The following TUBE1 variants were observed in gnomAD, a reference collection of about 807,000 sequenced individuals.
TUBE1 encodes the protein tubulin epsilon chain.
A neutral mutation model predicts 53.5 loss-of-function variants in TUBE1; 34 were observed. That is an observed-to-expected ratio of 0.64 (90% CI 0.48 to 0.85). TUBE1 has a LOEUF of 0.85. Ranked by LOEUF, TUBE1 falls within the 40% of genes least tolerant of loss-of-function variation. TUBE1 has a pLI of 0.00. For missense variants in TUBE1, 532 were observed against 570.5 expected (o/e 0.93, Z 0.69); for synonymous variants, 177 against 198.4 (o/e 0.89, Z 0.91).
chr6:112,075,156 C>G (rs1776943371), intron 8 of TUBE1: 1 of 158,238 alleles, frequency 6.3e-6, no homozygotes, highest in African/African-American at 2.4e-5. Flanking sequence ...CAACCGCCGC[C>G]TCCCATCTCA....
Position 112,071,404 on chromosome 6 carries a change from T to C in TUBE1, c.*8A>G. ...GAAATTAAGAAAGTATTTTTGAGGG[T>C]TTCTTTTTCACATAGCTATGCTTAG... On this transcript the variant is annotated 3_prime_UTR_variant, in exon 12 of 12. Transcript: ENST00000368662. 1.4e-6 allele frequency: 2 copies of C among 1,479,964 alleles called. No individual in the cohort carries two copies. Among genetic ancestry groups the C allele is most frequent in the Admixed American group, 1.9e-5 (1 of 51,834 alleles). 91.7% of individuals were successfully genotyped at this position (1,479,964 alleles called of 1,614,324 possible).
rs1776846099 is a variant in TUBE1, at chr6:112,070,963, G to T, written c.*449C>A. The T allele has an allele frequency of 6.6e-6, 1 of 152,028 alleles. No homozygotes were observed. Among genetic ancestry groups the T allele is most frequent in the Admixed American group, 6.5e-5 (1 of 15,272 alleles). 9.4% of individuals were successfully genotyped at this position (152,028 alleles called of 1,614,324 possible). On this transcript the variant is annotated 3_prime_UTR_variant, in exon 12 of 12. Transcript: ENST00000368662. ...AAAACCTATGCCTGAAAAGTTGGTG[G>T]CTATTACACGGAAATATTTATATTG...
In TUBE1 at chr6:112,076,486, A is replaced by G; in HGVS notation, c.472T>C (p.Phe158Leu). The G allele has an allele frequency of 6.2e-7, 1 of 1,609,540 alleles. No individual in the cohort carries two copies. Among genetic ancestry groups the G allele is most frequent in the South Asian group, 1.1e-5 (1 of 89,922 alleles). ...GGGTGSGLGT[F>L]LLKVLEDEFP... Reference sequence around the variant, plus strand: ...TCGTCTTCAAGCACCTTTAAAAGAAATGTGCCAAGTCCAGATCCTGTTCCT... The same window carrying G: ...TCGTCTTCAAGCACCTTTAAAAGAAGTGTGCCAAGTCCAGATCCTGTTCCT... Residue 158 changes from phenylalanine (F) to leucine (L), a missense_variant, in exon 7 of 12, where the codon TTT (phenylalanine) becomes CTT (leucine). Transcript: ENST00000368662.
At chr6:112,078,201 A>T (rs1352774656) in intron 6 of TUBE1, 2 of 152,058 alleles carry the variant, frequency 1.3e-5, no homozygotes, top group African/African-American at 2.4e-5. Context: ...GCCAAAATTT[A>T]AAATGTACAT....
In TUBE1 at chr6:112,076,384, T is replaced by C; in HGVS notation, c.574A>G (p.Ser192Gly). 7 of 1,610,852 alleles carry C rather than the reference T, an allele frequency of 4.3e-6. No homozygotes were observed. The highest frequency in any genetic ancestry group is 5.9e-6 in the Non-Finnish European group (7 of 1,178,660). ...TTAAGTTCCTTCATTGCCAAGATGCTATTATAAGGTGAGGTTATGACATCA... is the reference window on the plus strand; with the variant it reads ...TTAAGTTCCTTCATTGCCAAGATGCCATTATAAGGTGAGGTTATGACATCA... ...EDDVITSPYN[S>G]ILAMKELNEH... Residue 192 changes from serine to glycine, a missense_variant, in exon 7 of 12, where the codon AGC (serine) becomes GGC (glycine). Ser to Gly is a moderately conservative substitution (Grantham distance 56). Coordinates refer to ENST00000368662, the MANE Select transcript of TUBE1 (RefSeq NM_016262.5).
intron 6 of TUBE1, chr6:112,078,706 C>A (rs1777016169): frequency 6.6e-6 from 1 of 152,000 alleles, no homozygotes; most frequent in South Asian, 2.1e-4. Context: ...GTATAACGAA[C>A]TATAAATCAA....
intron 3 of TUBE1, among the ~76,000 whole-genome samples, chr6:112,085,106 T>C (rs1777128024): frequency 6.6e-6 from 1 of 152,242 alleles, no homozygotes; most frequent in Non-Finnish European, 1.5e-5. Flanking sequence ...AAACCTAAAA[T>C]ATTTACTGCC....
At chr6:112,079,529 T>C in intron 6 of TUBE1, 104 bp downstream of exon 6, 1 of 1,206,976 alleles carries the variant, frequency 8.3e-7, no homozygotes, top group Non-Finnish European at 1.2e-6. Context: ...TCCGAATAGT[T>C]CTATCTTTAT....
Position 112,086,537 on chromosome 6 carries a change from G to A in TUBE1, c.152+19C>T. 12 of 1,597,774 alleles carry A rather than the reference G, an allele frequency of 7.5e-6. No individual in the cohort carries two copies. Among genetic ancestry groups the A allele is most frequent in the Non-Finnish European group, 1.0e-5 (12 of 1,166,756 alleles). The stretch of plus-strand genomic sequence containing the variant: ...AAACTTAAAGTATCACACTGTGACA[G>A]ACTTTAATCCCATCTTACCTGGTGT... On this transcript the variant is annotated intron_variant, in intron 3 of 11. Transcript: ENST00000368662.
At chr6:112,086,703 G>A (rs1334845639) in intron 2 of TUBE1, 95 bp from the exon 3 acceptor site, 2 of 762,242 alleles carry the variant, frequency 2.6e-6, no homozygotes, top group Non-Finnish European at 4.3e-6. Flanking sequence ...GTAATGGCTA[G>A]GATGAGACTC....
At chr6:112,076,163 G>A in intron 7 of TUBE1, 51 bp from the exon 8 acceptor site, 1 of 1,526,844 alleles carries the variant, frequency 6.5e-7, no homozygotes, top group Non-Finnish European at 8.9e-7. Flanking sequence ...AGTGGATGTA[G>A]ATGATATTCT....
Position 112,087,471 on chromosome 6 carries a change from G to A in TUBE1, c.-37C>T, listed in dbSNP as rs1554317607. 1 of 1,547,922 alleles carries A rather than the reference G, an allele frequency of 6.5e-7. No individual in the cohort carries two copies. The highest frequency in any genetic ancestry group is 1.4e-5 in the African/African-American group (1 of 73,116). ...GCCGGCTCCGGGAGCTTGCTAGCCC[G>A]CGGCCGCTTCTGCATTCCCCCAGCA... On this transcript the variant is annotated 5_prime_UTR_variant, in exon 1 of 12. Transcript: ENST00000368662.
chr6:112,087,452 T>C lies in TUBE1; in HGVS notation c.-18A>G. 6.5e-7 allele frequency: 1 copy of C among 1,549,358 alleles called. No individual in the cohort carries two copies. Among genetic ancestry groups the C allele is most frequent in the African/African-American group, 1.4e-5 (1 of 73,074 alleles). On this transcript the variant is annotated 5_prime_UTR_variant, in exon 1 of 12. Transcript: ENST00000368662. ...TGGGTCATGGTGGTGCGCCGCCGGCTCCGGGAGCTTGCTAGCCCGCGGCCG... is the reference window on the plus strand; with the variant it reads ...TGGGTCATGGTGGTGCGCCGCCGGCCCCGGGAGCTTGCTAGCCCGCGGCCG...
chr6:112,076,105 A>T lies in TUBE1; in HGVS notation c.644T>A (p.Phe215Tyr). Residue 215 changes from phenylalanine (F) to tyrosine (Y), a missense_variant, in exon 8 of 12, where the codon TTT becomes TAT. Coordinates refer to ENST00000368662, the MANE Select transcript of TUBE1 (RefSeq NM_016262.5). ...GAGGTCGATTTTGCTAATGATGTCA[A>T]ATAAAGACTTTTGAGGGAAAAACAT... ...CVLPIDNQSL[F>Y]DIISKIDLMV... 1 of 1,611,388 alleles carries T rather than the reference A, an allele frequency of 6.2e-7. No homozygotes were observed. The highest frequency in any genetic ancestry group is 1.1e-5 in the South Asian group (1 of 90,604).
At chr6:112,087,171 C>T (rs2114496569) in intron 2 of TUBE1, 62 bp downstream of exon 2, 2 of 1,415,324 alleles carry the variant, frequency 1.4e-6, no homozygotes, top group South Asian at 1.3e-5. Flanking sequence ...TCGATTATTT[C>T]CTGCGTATGG....
chr6:112,076,711 AG>A (rs1275248005), intron 6 of TUBE1: 1 of 402,338 alleles, frequency 2.5e-6, no homozygotes, highest in African/African-American at 2.1e-5. Flanking sequence ...CTGGGACCGC[AG>A]GCATGAGCCA....
Position 112,071,252 on chromosome 6 carries a change from T to C in TUBE1, c.*160A>G. On this transcript the variant is annotated 3_prime_UTR_variant, in exon 12 of 12. Transcript: ENST00000368662. ...AGATTTCACTAATTTCACACATTGGTATTACCAACAAATTGCGATTAAACA... is the reference window on the plus strand; with the variant it reads ...AGATTTCACTAATTTCACACATTGGCATTACCAACAAATTGCGATTAAACA... The C allele has an allele frequency of 1.7e-6, 1 of 582,556 alleles. No individual in the cohort carries two copies. Among genetic ancestry groups the C allele is most frequent in the Non-Finnish European group, 2.8e-6 (1 of 361,782 alleles). The allele number at this position is 582,556 out of a possible 1,614,324, so 36.1% of individuals were successfully genotyped here.
rs781833721 is a variant in TUBE1, at chr6:112,075,064, C to CTTTTT, written c.813-215_813-214insAAAAA. ...CACACAACATCTACATTTTTTTTTT[C>CTTTTT]TTTCTTTTTTTTTTTTTTTTGAGAC... On this transcript the variant is annotated intron_variant, in intron 8 of 11. Coordinates refer to ENST00000368662, the MANE Select transcript of TUBE1 (RefSeq NM_016262.5). 6 of 165,304 alleles carry CTTTTT rather than the reference C, an allele frequency of 3.6e-5. 1 individual carries two copies. The highest frequency in any genetic ancestry group is 1.4e-4 in the South Asian group (1 of 7,102). 10.2% of individuals were successfully genotyped at this position (165,304 alleles called of 1,614,324 possible).
chr6:112,086,141 T>C (rs1202098131), intron 3 of TUBE1, among the ~76,000 whole-genome samples: 1 of 152,262 alleles, frequency 6.6e-6, no homozygotes, highest in Non-Finnish European at 1.5e-5. Flanking sequence ...AAAACATATA[T>C]GGTACTTACA....
Sources: allele counts gnomAD v4.1 joint callset (sites outside exome capture counted in the v4.1 genomes callset), GRCh38; gene constraint gnomAD v4.1.1; transcripts MANE v1.5; gene names NCBI Gene and HGNC (gene_info 2026-07-23, HGNC 2026-07-21).